Variants in CPEB1 observed in about 807,000 individuals in gnomAD.
The protein encoded by CPEB1 is cytoplasmic polyadenylation element binding protein 1.
A neutral mutation model predicts 65.8 loss-of-function variants in CPEB1; 7 were observed. That is an observed-to-expected ratio of 0.11 (90% CI 0.06 to 0.20). CPEB1 has a LOEUF of 0.20. Among genes scored for constraint, CPEB1 ranks in the 10% least tolerant of loss-of-function variants. The pLI is 1.00. For synonymous variants in CPEB1, 262 were observed against 260.0 expected (o/e 1.01, Z -0.08); for missense variants, 551 against 712.2 (o/e 0.77, Z 2.58).
At chr15:82,580,497 C>T (rs2041175103) in intron 3 of CPEB1, among the ~76,000 whole-genome samples, 1 of 152,090 alleles carries the variant, frequency 6.6e-6, no homozygotes, top group South Asian at 2.1e-4. Context: ...AAGGGGTACC[C>T]TGTACTAAAA....
intron 3 of CPEB1, among the ~76,000 whole-genome samples, chr15:82,594,364 AAAAAG>A (rs59982583): frequency 3.5e-4 from 53 of 150,238 alleles, no homozygotes; most frequent in African/African-American, 9.3e-4. Context: ...TGAACCAAAA[AAAAAG>A]AAAAGAAAAG....
At chr15:82,642,873 A>G (rs181196177) in intron 1 of CPEB1, among the ~76,000 whole-genome samples, 28 of 152,330 alleles carry the variant, frequency 1.8e-4, no homozygotes, top group Non-Finnish European at 2.9e-4. Flanking sequence ...AGCTACTAAA[A>G]ACAGTGTAAA....
chr15:82,596,691 C>G lies in CPEB1; in HGVS notation c.272-25159G>C, dbSNP rs1010145824. On this transcript the variant is annotated intron_variant, in intron 3 of 12. Coordinates refer to ENST00000684509, the MANE Select transcript of CPEB1 (RefSeq NM_001365242.1). ...CCAACCTGGGCAACAGAGGGAGACT[C>G]TGTCTCAAAAAAAAAAAAAAAAAAA... Among the ~76,000 whole-genome samples, 4 of 109,578 alleles carry G rather than the reference C, an allele frequency of 3.7e-5. 1 individual carries two copies. In the South Asian group the frequency reaches 1.3e-3, roughly 35 times the overall value. The allele number at this position is 109,578 out of a possible 152,430, so 71.9% of individuals were successfully genotyped here. A position where few individuals can be genotyped will look rare whatever the true frequency, so the allele number is the denominator to read the frequency against.
chr15:82,573,339 T>A, intron 3 of CPEB1: 1 of 626,454 alleles, frequency 1.6e-6, no homozygotes, highest in Non-Finnish European at 2.6e-6. Flanking sequence ...CAAAGCCTTG[T>A]TCATCATGGC....
intron 3 of CPEB1, among the ~76,000 whole-genome samples, chr15:82,582,737 CTTT>C (rs11300517): frequency 6.4e-4 from 56 of 87,394 alleles, no homozygotes; most frequent in African/African-American, 2.2e-3. Context: ...ACTAGGAGTT[CTTT>C]TTTTTTTTTT....
intron 8 of CPEB1, among the ~76,000 whole-genome samples, chr15:82,552,982 T>A (rs2036548275): frequency 6.6e-6 from 1 of 152,142 alleles, no homozygotes; most frequent in Non-Finnish European, 1.5e-5. Flanking sequence ...TTCAGTTCAA[T>A]GAAGATGGGG....
At chr15:82,576,288 C>G (rs1321315607) in intron 3 of CPEB1, among the ~76,000 whole-genome samples, 1 of 152,066 alleles carries the variant, frequency 6.6e-6, no homozygotes, top group Non-Finnish European at 1.5e-5. Context: ...TTGCCTCTGG[C>G]AGGAAGTAGG....
chr15:82,579,227 T>A (rs1224252137), intron 3 of CPEB1, among the ~76,000 whole-genome samples: 1 of 152,130 alleles, frequency 6.6e-6, no homozygotes, highest in African/African-American at 2.4e-5. Context: ...TTTAGGGGGC[T>A]AAAGCAGGAA....
chr15:82,587,070 C>CT (rs1405473036), intron 3 of CPEB1, among the ~76,000 whole-genome samples: 2 of 151,998 alleles, frequency 1.3e-5, no homozygotes, highest in Non-Finnish European at 2.9e-5. Flanking sequence ...ATTTAAAAGA[C>CT]TAACAGAAAA....
At chr15:82,619,920 G>A (rs2045137583) in intron 3 of CPEB1, among the ~76,000 whole-genome samples, 1 of 152,096 alleles carries the variant, frequency 6.6e-6, no homozygotes, top group Non-Finnish European at 1.5e-5. Flanking sequence ...CTCCTAGGAA[G>A]ATAACCAAGG....
chr15:82,620,658 T>C (rs1022132492), intron 3 of CPEB1, among the ~76,000 whole-genome samples: 5 of 151,772 alleles, frequency 3.3e-5, no homozygotes, highest in African/African-American at 7.3e-5. Flanking sequence ...AAAAAATTAG[T>C]TGGGCATGGT....
Position 82,543,450 on chromosome 15 carries a change from T to G in CPEB1, c.*1142A>C, listed in dbSNP as rs1482105856. On this transcript the variant is annotated 3_prime_UTR_variant, in exon 13 of 13. Transcript: ENST00000684509. ...GGGGCAAGTAGTTTTTGTGGGTTTT[T>G]TGTTTCTTTTTAAAAAAAAAAAAAA... 7.3e-6 allele frequency: 1 copy of G among 137,818 alleles called. No individual in the cohort carries two copies. Among genetic ancestry groups the G allele is most frequent in the Admixed American group, 7.0e-5 (1 of 14,200 alleles). 8.5% of individuals were successfully genotyped at this position (137,818 alleles called of 1,614,324 possible).
rs962465690 is a variant in CPEB1 at position 82,580,118 on chromosome 15, G to A, written c.272-8586C>T. Among the ~76,000 whole-genome samples the A allele has an allele frequency of 5.1e-4, 77 of 151,278 alleles. 1 individual carries two copies. The highest frequency in any genetic ancestry group is 9.7e-4 in the Non-Finnish European group (66 of 67,774). On this transcript the variant is annotated intron_variant, in intron 3 of 12. Transcript: ENST00000684509. ...AGGCGGATAATGAGGTCAAGAGATC[G>A]AGACCATCCTGGCCAACATGGTGAA...
chr15:82,547,440 G>A (rs1311418971), intron 10 of CPEB1, among the ~76,000 whole-genome samples: 1 of 151,574 alleles, frequency 6.6e-6, no homozygotes, highest in Admixed American at 6.6e-5. Context: ...GGGACTACAG[G>A]CATCTGCCAC....
chr15:82,571,104 CT>C (rs2151050329), intron 4 of CPEB1, among the ~76,000 whole-genome samples: 1 of 152,326 alleles, frequency 6.6e-6, no homozygotes, highest in African/African-American at 2.4e-5. Flanking sequence ...CAGGTGCAGA[CT>C]AACAACTCCA....
At chr15:82,584,181 C>G (rs373710585) in intron 3 of CPEB1, among the ~76,000 whole-genome samples, 7 of 148,606 alleles carry the variant, frequency 4.7e-5, no homozygotes, top group African/African-American at 1.7e-4. Flanking sequence ...ATGGCATGAA[C>G]CCGGCAGGCA....
At chr15:82,629,714 A>G in intron 1 of CPEB1, 2 of 985,444 alleles carry the variant, frequency 2.0e-6, no homozygotes, top group Non-Finnish European at 2.4e-6. Flanking sequence ...AAAACAGACC[A>G]AGTAATGAAA....
intron 3 of CPEB1, among the ~76,000 whole-genome samples, chr15:82,606,194 A>C (rs1443724431): frequency 6.6e-6 from 1 of 152,108 alleles, no homozygotes; most frequent in Non-Finnish European, 1.5e-5. Context: ...CCAGCTGGGC[A>C]TGGTGGCTCA....
chr15:82,567,030 C>T (rs975047255), intron 4 of CPEB1, among the ~76,000 whole-genome samples: 4 of 152,098 alleles, frequency 2.6e-5, no homozygotes, highest in African/African-American at 4.8e-5. Context: ...ACTCATCATT[C>T]ATTCAAAAAA....
Sources: allele counts gnomAD v4.1 joint callset (sites outside exome capture counted in the v4.1 genomes callset), GRCh38; gene constraint gnomAD v4.1.1; transcripts MANE v1.5; gene names NCBI Gene and HGNC (gene_info 2026-07-23, HGNC 2026-07-21).